The following LYPD5 variants were observed in gnomAD, a reference collection of about 807,000 sequenced individuals.
LYPD5 encodes LY6/PLAUR domain containing 5.
A neutral mutation model predicts 19.1 loss-of-function variants in LYPD5; 21 were observed. The ratio of observed to expected loss-of-function variants is 1.10; its 90% CI spans 0.78 to 1.58. LYPD5 has a LOEUF of 1.58. Among genes scored for constraint, LYPD5 ranks in the 40% most tolerant of loss-of-function variants. The pLI is 0.00. For synonymous variants in LYPD5, 128 were observed against 142.7 expected (o/e 0.90, Z 0.74); for missense variants, 287 against 329.8 (o/e 0.87, Z 1.00).
chr19:43,799,257 G>A (rs1165140708), intron 2 of LYPD5, among the ~76,000 whole-genome samples: 2 of 151,492 alleles, frequency 1.3e-5, no homozygotes, highest in African/African-American at 2.4e-5. Flanking sequence ...TTCTTTTGTG[G>A]GGCGGAGGAC....
rs750878281 is a variant in LYPD5, at chr19:43,796,626, G to A, written c.*965C>T. On this transcript the variant is annotated 3_prime_UTR_variant, in exon 5 of 5. Coordinates refer to ENST00000377950, the MANE Select transcript of LYPD5 (RefSeq NM_001031749.3). ...TGTGTGTTTTTCTGTGAAGTTAATC[G>A]GCACTCATGTGTTTAGGAGGTGGGG... 1 of 152,098 alleles carries A rather than the reference G, an allele frequency of 6.6e-6. No individual in the cohort carries two copies. The highest frequency in any genetic ancestry group is 1.5e-5 in the Non-Finnish European group (1 of 68,010). 9.4% of individuals were successfully genotyped at this position (152,098 alleles called of 1,614,324 possible). A position where few individuals can be genotyped will look rare whatever the true frequency, so the allele number is the denominator to read the frequency against.
upstream of LYPD5, among the ~76,000 whole-genome samples, chr19:43,805,558 A>G (rs979930823): frequency 6.6e-5 from 10 of 152,100 alleles, no homozygotes; most frequent in African/African-American, 9.7e-5. Context: ...CCCAAGCTGG[A>G]GTGCAGTGGC....
intron 1 of LYPD5, among the ~76,000 whole-genome samples, chr19:43,812,880 T>C (rs535685235): frequency 3.3e-5 from 5 of 152,096 alleles, no homozygotes; most frequent in African/African-American, 9.7e-5. Context: ...TGGAAATGGG[T>C]GGTAACTTCC....
In LYPD5 at chr19:43,797,550, G is replaced by A; in HGVS notation, c.*41C>T. On this transcript the variant is annotated 3_prime_UTR_variant, in exon 5 of 5. Coordinates refer to ENST00000377950, the MANE Select transcript of LYPD5 (RefSeq NM_001031749.3). ...TGATAGGGGCTGAAGCAGCAAGAAT[G>A]AGGTGTGTGAGCCCTGTCCCCAGCA... 7.0e-7 allele frequency: 1 copy of A among 1,425,808 alleles called. No individual in the cohort carries two copies. The highest frequency in any genetic ancestry group is 2.3e-5 in the East Asian group (1 of 43,626). The allele number at this position is 1,425,808 out of a possible 1,614,324, so 88.3% of individuals were successfully genotyped here.
intron 1 of LYPD5, among the ~76,000 whole-genome samples, chr19:43,810,244 T>C (rs1469504692): frequency 6.6e-5 from 10 of 152,174 alleles, no homozygotes; most frequent in Admixed American, 1.3e-4. Context: ...CTTTTTTTTC[T>C]TTTTCTTGCC....
rs61040752 is a variant in LYPD5, at chr19:43,812,335, TTCTATCTA to T, written c.-66+8197_-66+8204del. ...GAGGGGAATGATTTGTGGTTATTTT[TTCTATCTA>T]TCTATCTATCTATCTATCTATCTAT... is the stretch of plus-strand genomic sequence containing the variant. On this transcript the variant is annotated intron_variant, in intron 1 of 4. Coordinates refer to the LYPD5 transcript ENST00000414615. 1.6e-3 allele frequency among the ~76,000 whole-genome samples: 226 copies of T among 143,398 alleles called. 1 individual carries two copies. The highest frequency in any genetic ancestry group is 4.3e-3 in the East Asian group (21 of 4,902). 94.1% of individuals were successfully genotyped at this position (143,398 alleles called of 152,430 possible).
chr19:43,816,073 T>C (rs897978239), intron 1 of LYPD5, among the ~76,000 whole-genome samples: 2 of 148,068 alleles, frequency 1.4e-5, no homozygotes, highest in South Asian at 2.1e-4. Context: ...TATCTATCTA[T>C]CTATCTACCT....
At position 43,797,573 on chromosome 19, in the gene LYPD5, G is replaced by T; in HGVS notation, c.*18C>A. 1 of 1,553,100 alleles carries T rather than the reference G, an allele frequency of 6.4e-7. No individual in the cohort carries two copies. The highest frequency in any genetic ancestry group is 8.8e-7 in the Non-Finnish European group (1 of 1,136,994). ...ATGAGGTGTGTGAGCCCTGTCCCCA[G>T]CATCCTGGAGGGGCGGTCTATGCTG... is the stretch of plus-strand genomic sequence containing the variant. On this transcript the variant is annotated 3_prime_UTR_variant, in exon 5 of 5. Coordinates refer to ENST00000377950, the MANE Select transcript of LYPD5 (RefSeq NM_001031749.3).
chr19:43,815,841 G>T, intron 1 of LYPD5: 2 of 325,962 alleles, frequency 6.1e-6, no homozygotes, highest in Non-Finnish European at 1.2e-5. Context: ...GACTTCAAGC[G>T]ATTCCCCTGC....
At chr19:43,805,621 C>A (rs1417250232), upstream of LYPD5, among the ~76,000 whole-genome samples, 6 of 152,228 alleles carry the variant, frequency 3.9e-5, no homozygotes, top group Admixed American at 3.9e-4. Flanking sequence ...GATTCTCCTG[C>A]CTCAGCCTCC....
chr19:43,802,335 C>G lies in LYPD5; in HGVS notation c.46G>C (p.Ala16Pro). ...TGCGTACCTGTCAGGCAGAGCGCAG[C>G]CCCAAAGAGGCAGAGCAGAATGACT... ...PRVILLCLFG[A>P]ALCLTGSQAL... Residue 16 changes from alanine to proline, a missense_variant, in exon 1 of 5, where the codon GCT (alanine) becomes CCT (proline). Coordinates refer to ENST00000377950, the MANE Select transcript of LYPD5 (RefSeq NM_001031749.3). 1 of 1,551,674 alleles carries G rather than the reference C, an allele frequency of 6.4e-7. No homozygotes were observed. The highest frequency in any genetic ancestry group is 8.7e-7 in the Non-Finnish European group (1 of 1,146,960).
intron 1 of LYPD5, 141 bp from the exon 2 acceptor site, chr19:43,799,975 G>T: frequency 1.0e-6 from 1 of 955,630 alleles, no homozygotes; most frequent in Non-Finnish European, 1.5e-6. Context: ...ACCAGGTGCT[G>T]CTATTGCAGC....
chr19:43,807,052 T>C (rs937532562), upstream of LYPD5, among the ~76,000 whole-genome samples: 10 of 152,236 alleles, frequency 6.6e-5, no homozygotes, highest in Non-Finnish European at 1.3e-4. Flanking sequence ...CAATATCCCA[T>C]TGTGTGGATA....
intron 1 of LYPD5, chr19:43,815,852 C>T: frequency 3.8e-6 from 1 of 264,568 alleles, no homozygotes; most frequent in South Asian, 3.8e-5. Context: ...ATTCCCCTGC[C>T]TCAGCCTCCT....
upstream of LYPD5, among the ~76,000 whole-genome samples, chr19:43,803,185 G>A (rs922641807): frequency 6.6e-6 from 1 of 151,744 alleles, no homozygotes; most frequent in Non-Finnish European, 1.5e-5. Flanking sequence ...TAGAGGTGAA[G>A]AGGGACACCC....
At chr19:43,798,729 C>T (rs938420400) in intron 3 of LYPD5, 83 bp downstream of exon 3, 16 of 1,566,822 alleles carry the variant, frequency 1.0e-5, no homozygotes, top group Non-Finnish European at 1.3e-5. Flanking sequence ...CAAGAGCAGG[C>T]GCCCAGCGGA....
intron 2 of LYPD5, among the ~76,000 whole-genome samples, 171 bp downstream of exon 2, chr19:43,799,535 C>T (rs1279955403): frequency 6.6e-6 from 1 of 152,122 alleles, no homozygotes; most frequent in Non-Finnish European, 1.5e-5. Flanking sequence ...GAGCCACTGC[C>T]CCAGCCCTCA....
In LYPD5 at chr19:43,799,687, C is replaced by G; in HGVS notation, c.193+19G>C. 1 of 1,608,488 alleles carries G rather than the reference C, an allele frequency of 6.2e-7. No individual in the cohort carries two copies. The highest frequency in any genetic ancestry group is 8.5e-7 in the Non-Finnish European group (1 of 1,177,778). On this transcript the variant is annotated intron_variant, in intron 2 of 4. Coordinates refer to ENST00000377950, the MANE Select transcript of LYPD5 (RefSeq NM_001031749.3). ...CCTCCCTAATCTCTCATCCCTGTCC[C>G]CCGGCTCCCGCTCCTTACCGGTGTC...
chr19:43,809,172 T>C (rs1185322967), intron 1 of LYPD5, among the ~76,000 whole-genome samples: 3 of 149,416 alleles, frequency 2.0e-5, no homozygotes, highest in Non-Finnish European at 3.0e-5. Flanking sequence ...CCCGAGTAGC[T>C]GGGATTACAG....
Sources: allele counts gnomAD v4.1 joint callset (sites outside exome capture counted in the v4.1 genomes callset), GRCh38; gene constraint gnomAD v4.1.1; transcripts MANE v1.5; gene names NCBI Gene and HGNC (gene_info 2026-07-23, HGNC 2026-07-21).